The following RNF19A variants were observed in gnomAD, a reference collection of about 807,000 sequenced individuals.
RNF19A encodes ring finger protein 19A, RBR E3 ubiquitin protein ligase.
A neutral mutation model predicts 75.7 loss-of-function variants in RNF19A; 32 were observed. The observed-to-expected ratio is 0.42, with a 90% CI of 0.32 to 0.57. The LOEUF is 0.57. Among genes scored for constraint, RNF19A ranks in the 20% least tolerant of loss-of-function variants. The probability of loss-of-function intolerance (pLI) is 0.10; values close to 1 mark genes in which losing one functional copy is unlikely to be tolerated. For synonymous variants in RNF19A, 335 were observed against 345.2 expected, an observed-to-expected ratio of 0.97 and a Z score of 0.33; for missense variants, 782 against 1,036.3, an observed-to-expected ratio of 0.75 and a Z score of 3.37.
intron 1 of RNF19A, among the ~76,000 whole-genome samples, chr8:100,289,690 G>A (rs567230670): frequency 2.3e-4 from 35 of 152,266 alleles, no homozygotes; most frequent in Non-Finnish European, 4.3e-4. Context: ...TACACTACTC[G>A]TGGGAGTGTA....
chr8:100,261,547 A>G lies in RNF19A; in HGVS notation c.1677T>C (p.Phe559=). ...AACCAAACCAAAACACACACCTGTT[A>G]AAACAGTTTACCATGGCACTTCCTG... is the stretch of plus-strand genomic sequence containing the variant. ...SLSGSAMVNC[F]NRLEVQADVQ... Residue 559 remains phenylalanine, a synonymous_variant, in exon 8 of 10, where the codon TTT becomes TTC. Transcript: ENST00000341084. The surrounding 1 kb of genome is among the most constrained non-coding windows in gnomAD (Gnocchi z 4.4). The G allele has an allele frequency of 6.2e-7, 1 of 1,613,858 alleles. No homozygotes were observed. The highest frequency in any genetic ancestry group is 1.1e-5 in the South Asian group (1 of 91,078).
At position 100,317,679 on chromosome 8, in the gene RNF19A, T is replaced by C. The variant is rs1822404102; in HGVS notation, c.-242-4307A>G. ...GAATCCTCCAGAGGCTTCTACAAAT[T>C]GAGCTGGTTAGACAAACTCCATGTT... On this transcript the variant is annotated intron_variant, in intron 1 of 3. Coordinates refer to the RNF19A transcript ENST00000519527. The surrounding 1 kb of genome is among the most constrained non-coding windows in gnomAD (Gnocchi z 4.3). Among the ~76,000 whole-genome samples the C allele has an allele frequency of 6.6e-6, 1 of 152,148 alleles. No individual in the cohort carries two copies. Among genetic ancestry groups the C allele is most frequent in the Admixed American group, 6.5e-5 (1 of 15,276 alleles).
chr8:100,287,824 A>G lies in RNF19A; in HGVS notation c.351T>C (p.Asn117=). The G allele has an allele frequency of 6.2e-7, 1 of 1,614,210 alleles. No individual in the cohort carries two copies. ...TTTGTTTGCTGATGGAAGTTAATCC[A>G]TTGTCAGAAGAGGTATTTGTAGAGA... is the stretch of plus-strand genomic sequence containing the variant. The part of the protein sequence containing the change: ...SIFSTNTSSD[N]GLTSISKQIG... Residue 117 remains asparagine, a synonymous_variant, in exon 2 of 10, where the codon AAT becomes AAC. Coordinates refer to ENST00000341084, the MANE Select transcript of RNF19A (RefSeq NM_183419.4). This position sits in a 1 kb window ranked among gnomAD's most constrained non-coding sequence, Gnocchi z 4.1.
chr8:100,307,561 T>C (rs1586686333), intron 1 of RNF19A, among the ~76,000 whole-genome samples: 1 of 150,410 alleles, frequency 6.6e-6, no homozygotes, highest in Non-Finnish European at 1.5e-5. Flanking sequence ...AAAAAAACCG[T>C]GGTGGGGAGG....
chr8:100,328,636 T>C (rs1026933163), intron 1 of RNF19A, among the ~76,000 whole-genome samples: 1 of 152,138 alleles, frequency 6.6e-6, no homozygotes, highest in Non-Finnish European at 1.5e-5. Context: ...CACACCCAGC[T>C]AATTTTTGCA....
chr8:100,276,702 G>C (rs1820531249), intron 2 of RNF19A, among the ~76,000 whole-genome samples: 1 of 139,008 alleles, frequency 7.2e-6, no homozygotes, highest in East Asian at 2.0e-4. Context: ...GCTGCAGTGA[G>C]CCAAGATCAC....
At position 100,331,204 on chromosome 8, in the gene RNF19A, G is replaced by A. The variant is rs999415649; in HGVS notation, c.-243+4904C>T. ...TTTAAAGGAAAGAACACTTGACACA[G>A]CTGTATCTGAATCTCAGTTTGGAGA... On this transcript the variant is annotated intron_variant, in intron 1 of 3. Transcript: ENST00000519527. The surrounding 1 kb of genome is among the most constrained non-coding windows in gnomAD (Gnocchi z 5.2). 6.6e-6 allele frequency among the ~76,000 whole-genome samples: 1 copy of A among 152,230 alleles called. No individual in the cohort carries two copies. The highest frequency in any genetic ancestry group is 6.5e-5 in the Admixed American group (1 of 15,284).
Position 100,323,835 on chromosome 8 carries a change from A to G in RNF19A, c.-242-10463T>C, listed in dbSNP as rs2130365944. Reference sequence around the variant, plus strand: ...AAATTCATACTTGGGAGTTTTCAATAAACATCACAAGTTGTTTGTAAAATG... The same window carrying G: ...AAATTCATACTTGGGAGTTTTCAATGAACATCACAAGTTGTTTGTAAAATG... On this transcript the variant is annotated intron_variant, in intron 1 of 3. Coordinates refer to the RNF19A transcript ENST00000519527. This position sits in a 1 kb window ranked among gnomAD's most constrained non-coding sequence, Gnocchi z 4.6. 6.6e-6 allele frequency among the ~76,000 whole-genome samples: 1 copy of G among 152,356 alleles called. No homozygotes were observed. The highest frequency in any genetic ancestry group is 6.5e-5 in the Admixed American group (1 of 15,300).
intron 1 of RNF19A, among the ~76,000 whole-genome samples, chr8:100,293,959 T>C (rs1383686945): frequency 6.6e-6 from 1 of 152,224 alleles, no homozygotes; most frequent in African/African-American, 2.4e-5. Flanking sequence ...TTTTTCATAG[T>C]TTCCATTTCT....
chr8:100,325,490 T>G lies in RNF19A; in HGVS notation c.-243+10618A>C, dbSNP rs1004601783. Among the ~76,000 whole-genome samples, 1 of 152,162 alleles carries G rather than the reference T, an allele frequency of 6.6e-6. No individual in the cohort carries two copies. The highest frequency in any genetic ancestry group is 1.5e-5 in the Non-Finnish European group (1 of 68,018). ...ACCTTGTCACCTCTAGGTCCTCCCT[T>G]TTCAGTAAGTGACCTCTGAACAAGA... On this transcript the variant is annotated intron_variant, in intron 1 of 3. Transcript: ENST00000519527. The surrounding 1 kb of genome is among the most constrained non-coding windows in gnomAD (Gnocchi z 4.3).
chr8:100,305,377 G>T (rs751377831), intron 1 of RNF19A, among the ~76,000 whole-genome samples: 1 of 152,184 alleles, frequency 6.6e-6, no homozygotes, highest in Non-Finnish European at 1.5e-5. Flanking sequence ...GTTAGAAAAA[G>T]ACTACAAAAA....
At chr8:100,267,161 T>A (rs1027441528) in intron 5 of RNF19A, among the ~76,000 whole-genome samples, 1 of 152,206 alleles carries the variant, frequency 6.6e-6, no homozygotes, top group Non-Finnish European at 1.5e-5. Context: ...AAATAGCTAC[T>A]GAAACTTAAT....
Position 100,261,822 on chromosome 8 carries a change from C to T in RNF19A, c.1469-67G>A. The stretch of plus-strand genomic sequence containing the variant: ...TCAATTTTCTCCTTCTTAAATTCCT[C>T]CATGATTTCAGAGAGGACATTATAT... On this transcript the variant is annotated intron_variant, in intron 7 of 9. Transcript: ENST00000341084. This position sits in a 1 kb window ranked among gnomAD's most constrained non-coding sequence, Gnocchi z 4.4. 1 of 1,489,850 alleles carries T rather than the reference C, an allele frequency of 6.7e-7. No homozygotes were observed. The highest frequency in any genetic ancestry group is 2.3e-5 in the East Asian group (1 of 44,258). 92.3% of individuals were successfully genotyped at this position (1,489,850 alleles called of 1,614,324 possible). A position where few individuals can be genotyped will look rare whatever the true frequency, so the allele number is the denominator to read the frequency against.
At chr8:100,265,318 C>A (rs1563834737) in intron 5 of RNF19A, among the ~76,000 whole-genome samples, 1 of 151,976 alleles carries the variant, frequency 6.6e-6, no homozygotes, top group Non-Finnish European at 1.5e-5. Flanking sequence ...ACAATATTGA[C>A]AAATGACTCA....
Position 100,258,434 on chromosome 8 carries a change from A to G in RNF19A, c.*122T>C. 3 of 736,984 alleles carry G rather than the reference A, an allele frequency of 4.1e-6. No individual in the cohort carries two copies. The highest frequency in any genetic ancestry group is 3.7e-5 in the South Asian group (2 of 53,582). The allele number at this position is 736,984 out of a possible 1,614,324, so 45.7% of individuals were successfully genotyped here. On this transcript the variant is annotated 3_prime_UTR_variant, in exon 10 of 10. Transcript: ENST00000341084. This position sits in a 1 kb window ranked among gnomAD's most constrained non-coding sequence, Gnocchi z 4.3. Reference sequence around the variant, plus strand: ...ATGCCTTGCTGAACACAGAAAATGTATCTGCATTATGATAATGAAACCCGG... The same window carrying G: ...ATGCCTTGCTGAACACAGAAAATGTGTCTGCATTATGATAATGAAACCCGG...
chr8:100,271,285 T>C (rs1820242425), intron 3 of RNF19A, among the ~76,000 whole-genome samples: 1 of 152,122 alleles, frequency 6.6e-6, no homozygotes, highest in South Asian at 2.1e-4. Context: ...TACTAGAATA[T>C]AAAAATTAAA....
At chr8:100,298,628 G>A (rs1020682080) in intron 1 of RNF19A, among the ~76,000 whole-genome samples, 1 of 152,112 alleles carries the variant, frequency 6.6e-6, no homozygotes, top group African/African-American at 2.4e-5. Flanking sequence ...CCTCCCAAAA[G>A]AGGTATTTCT....
chr8:100,333,831 C>A lies in RNF19A; in HGVS notation c.-243+2277G>T, dbSNP rs1822640543. On this transcript the variant is annotated intron_variant, in intron 1 of 3. Coordinates refer to the RNF19A transcript ENST00000519527. The surrounding 1 kb of genome is among the most constrained non-coding windows in gnomAD (Gnocchi z 4.7). ...ACACCCTGTCTGTAAACAATAACAA[C>A]AAAAACCGAAAACACATTGTCTATC... 1.3e-5 allele frequency among the ~76,000 whole-genome samples: 2 copies of A among 152,160 alleles called. No individual in the cohort carries two copies. The highest frequency in any genetic ancestry group is 1.3e-4 in the Admixed American group (2 of 15,284).
At chr8:100,310,121 C>G (rs1563870285), upstream of RNF19A, 1 of 985,606 alleles carries the variant, frequency 1.0e-6, no homozygotes, top group Non-Finnish European at 1.2e-6. Flanking sequence ...CCGCAGCCCC[C>G]GCTTTCCCCT....
Sources: gnomAD v4.1 joint callset for allele counts (sites outside exome capture counted in the v4.1 genomes callset) on GRCh38, gnomAD v4.1.1 for gene constraint, Gnocchi (gnomAD v3.1) non-coding constraint, MANE v1.5 for transcripts, NCBI Gene and HGNC (gene_info 2026-07-23, HGNC 2026-07-21) for gene names.